UCHL5: variants seen among roughly 807,000 people sequenced by gnomAD.
UCHL5 encodes the protein ubiquitin carboxyl-terminal hydrolase isozyme L5.
In UCHL5, 34 loss-of-function variants were observed where a neutral mutation model predicts 53.8. The ratio of observed to expected loss-of-function variants is 0.63; its 90% confidence interval spans 0.48 to 0.84. The LOEUF (loss-of-function observed/expected upper bound fraction) is 0.84, where lower values mean the gene tolerates loss of function less well. UCHL5 is among the 40% of genes least tolerant of loss of function. UCHL5 has a pLI of 0.00. For synonymous variants in UCHL5, 111 were observed against 126.3 expected (o/e 0.88, Z 0.81); for missense variants, 290 against 385.6 (o/e 0.75, Z 2.08).
intron 3 of UCHL5, among the ~76,000 whole-genome samples, chr1:193,033,101 A>G (rs1662075252): frequency 6.6e-6 from 1 of 152,210 alleles, no homozygotes; most frequent in South Asian, 2.1e-4. Context: ...AGTATTGTTC[A>G]CAATAGCAAA....
At position 193,015,921 on chromosome 1, in the gene UCHL5, T is replaced by C. The variant is rs1210162361; in HGVS notation, c.*430A>G. 1 of 157,384 alleles carries C rather than the reference T, an allele frequency of 6.4e-6. No individual in the cohort carries two copies. The highest frequency in any genetic ancestry group is 1.4e-5 in the Non-Finnish European group (1 of 71,630). 9.7% of individuals were successfully genotyped at this position (157,384 alleles called of 1,614,324 possible). On this transcript the variant is annotated 3_prime_UTR_variant, in exon 11 of 11. Coordinates refer to ENST00000367454, the MANE Select transcript of UCHL5 (RefSeq NM_001199261.3). ...TTCAGTTTTAAAATCCTCAAAACAC[T>C]TAGATATCAAAGATAGAAATACTGA...
rs1196086200 is a variant in UCHL5 at position 193,014,027 on chromosome 1, A to C, written c.*2324T>G. ...GAAGGCTTAAAATAGAATGGAAGCG[A>C]CTTCACCTACCCAATAATTAAATAA... On this transcript the variant is annotated 3_prime_UTR_variant, in exon 11 of 11. Coordinates refer to ENST00000367454, the MANE Select transcript of UCHL5 (RefSeq NM_001199261.3). The C allele has an allele frequency of 6.6e-6, 1 of 152,214 alleles. No individual in the cohort carries two copies. The highest frequency in any genetic ancestry group is 1.9e-4 in the East Asian group (1 of 5,208). The allele number at this position is 152,214 out of a possible 1,614,324, so 9.4% of individuals were successfully genotyped here. A position where few individuals can be genotyped will look rare whatever the true frequency, so the allele number is the denominator to read the frequency against.
rs1370262705 is a variant in UCHL5 at position 193,012,331 on chromosome 1, T to C, written c.*4020A>G. 1 of 152,222 alleles carries C rather than the reference T, an allele frequency of 6.6e-6. No individual in the cohort carries two copies. The highest frequency in any genetic ancestry group is 1.5e-5 in the Non-Finnish European group (1 of 68,042). The allele number at this position is 152,222 out of a possible 1,614,324, so 9.4% of individuals were successfully genotyped here. A position where few individuals can be genotyped will look rare whatever the true frequency, so the allele number is the denominator to read the frequency against. On this transcript the variant is annotated 3_prime_UTR_variant, in exon 11 of 11. Transcript: ENST00000367454. ...AATCAAAGAAGCATATTACATAAAA[T>C]ATATGGATAAGCTAAAAAGTAAATA... is the stretch of plus-strand genomic sequence containing the variant.
chr1:193,027,981 AAAG>A (rs778697464), intron 7 of UCHL5, 101 bp downstream of exon 7: 73 of 1,552,154 alleles, frequency 4.7e-5, no homozygotes, highest in Non-Finnish European at 6.1e-5. Flanking sequence ...AAGAAAAAAA[AAAG>A]TAGATGTTCA....
At chr1:193,036,399 A>C (rs1020020176) in intron 3 of UCHL5, among the ~76,000 whole-genome samples, 1 of 151,844 alleles carries the variant, frequency 6.6e-6, no homozygotes, top group Non-Finnish European at 1.5e-5. Context: ...AAGACTATAA[A>C]AACAGACAGA....
chr1:193,022,561 G>A (rs911194897), intron 9 of UCHL5, among the ~76,000 whole-genome samples: 1 of 151,416 alleles, frequency 6.6e-6, no homozygotes, highest in Non-Finnish European at 1.5e-5. Context: ...AGCTACTTGA[G>A]AGGCTGAGGC....
intron 3 of UCHL5, among the ~76,000 whole-genome samples, chr1:193,048,221 G>A (rs974762166): frequency 2.7e-4 from 41 of 152,256 alleles, no homozygotes; most frequent in African/African-American, 9.6e-4. Context: ...TTAAAAATGA[G>A]TTAAATCAGT....
In UCHL5 at chr1:193,012,856, GAATA is replaced by G. The variant is rs1654362139; in HGVS notation, c.*3491_*3494del. ...CATAAGATTGGCTGAATAAATCACT[GAATA>G]GTTTTCAAAAAGTTAATGTAATCAA... On this transcript the variant is annotated 3_prime_UTR_variant, in exon 11 of 11. Coordinates refer to ENST00000367454, the MANE Select transcript of UCHL5 (RefSeq NM_001199261.3). 6.6e-6 allele frequency: 1 copy of G among 152,096 alleles called. No individual in the cohort carries two copies. The highest frequency in any genetic ancestry group is 2.4e-5 in the African/African-American group (1 of 41,410). The allele number at this position is 152,096 out of a possible 1,614,324, so 9.4% of individuals were successfully genotyped here.
At chr1:193,018,942 A>C (rs535124699) in intron 10 of UCHL5, 4 of 646,620 alleles carry the variant, frequency 6.2e-6, no homozygotes, top group African/African-American at 5.7e-5. Flanking sequence ...ATTTTATATA[A>C]TTATAAAATC....
chr1:193,014,393 T>C lies in UCHL5; in HGVS notation c.*1958A>G, dbSNP rs1185580125. 1 of 152,152 alleles carries C rather than the reference T, an allele frequency of 6.6e-6. No individual in the cohort carries two copies. The highest frequency in any genetic ancestry group is 1.5e-5 in the Non-Finnish European group (1 of 68,016). 9.4% of individuals were successfully genotyped at this position (152,152 alleles called of 1,614,324 possible). On this transcript the variant is annotated 3_prime_UTR_variant, in exon 11 of 11. Transcript: ENST00000367454. Reference sequence around the variant, plus strand: ...ATCCTTATACCTATTAATATAGTCATTTTACAAGGATATTTTTCAAATGTC... The same window carrying C: ...ATCCTTATACCTATTAATATAGTCACTTTACAAGGATATTTTTCAAATGTC...
chr1:193,059,416 C>T (rs773534587), upstream of UCHL5: 20 of 1,610,558 alleles, frequency 1.2e-5, no homozygotes, highest in East Asian at 4.0e-4. This position sits in a 1 kb window ranked among gnomAD's most constrained non-coding sequence, Gnocchi z 4.9. Context: ...CCGTCACCTG[C>T]AGCGCGACTG....
rs775120907 is a variant in UCHL5, at chr1:193,059,311, C to G, written c.-51G>C. On this transcript the variant is annotated 5_prime_UTR_variant, in exon 1 of 11. Coordinates refer to ENST00000367454, the MANE Select transcript of UCHL5 (RefSeq NM_001199261.3). The surrounding 1 kb of genome is among the most constrained non-coding windows in gnomAD (Gnocchi z 4.9). Reference sequence around the variant, plus strand: ...CCACCTCTCGCTCTCAGCTGCCCCCCGCACCAGCTGCCGCCGGCCACAGAT... The same window carrying G: ...CCACCTCTCGCTCTCAGCTGCCCCCGGCACCAGCTGCCGCCGGCCACAGAT... 24 of 1,609,138 alleles carry G rather than the reference C, an allele frequency of 1.5e-5. No individual in the cohort carries two copies. Among genetic ancestry groups the G allele is most frequent in the Non-Finnish European group, 2.0e-5 (23 of 1,177,944 alleles).
chr1:193,026,047 C>T (rs1308960359), intron 7 of UCHL5, among the ~76,000 whole-genome samples: 1 of 150,232 alleles, frequency 6.7e-6, no homozygotes, highest in Non-Finnish European at 1.5e-5. Flanking sequence ...GGAAGGATAG[C>T]CTTTTGAACC....
chr1:193,044,692 T>C (rs1666816665), intron 3 of UCHL5, among the ~76,000 whole-genome samples: 1 of 152,250 alleles, frequency 6.6e-6, no homozygotes, highest in East Asian at 1.9e-4. Context: ...TTTCATTAAA[T>C]TTTTTCAAAT....
At chr1:193,058,098 G>A (rs753697097) in intron 1 of UCHL5, among the ~76,000 whole-genome samples, 2 of 151,966 alleles carry the variant, frequency 1.3e-5, no homozygotes, top group Non-Finnish European at 1.5e-5. Flanking sequence ...ATGGTGGCGC[G>A]TGCCTGTAAT....
intron 3 of UCHL5, 26 bp from the exon 4 acceptor site, chr1:193,029,683 C>A: frequency 1.3e-6 from 2 of 1,542,766 alleles, no homozygotes; most frequent in South Asian, 1.2e-5. Context: ...GTGAAGATAT[C>A]AATGTGTTTA....
intron 3 of UCHL5, among the ~76,000 whole-genome samples, chr1:193,042,352 C>A (rs1665878005): frequency 2.0e-5 from 3 of 152,130 alleles, no homozygotes; most frequent in Admixed American, 2.0e-4. Flanking sequence ...AGTTCTTAGG[C>A]ACTTACTTTG....
intron 6 of UCHL5, 31 bp from the exon 7 acceptor site, chr1:193,028,179 A>G: frequency 2.0e-6 from 3 of 1,523,742 alleles, no homozygotes; most frequent in Non-Finnish European, 1.8e-6. Flanking sequence ...AGTTAACACA[A>G]ATAAAAATAA....
intron 3 of UCHL5, among the ~76,000 whole-genome samples, chr1:193,034,917 A>G (rs954780254): frequency 4.6e-5 from 7 of 152,006 alleles, no homozygotes; most frequent in African/African-American, 1.7e-4. Context: ...CACACTAATT[A>G]ATAACAGAAC....
Sources: allele counts gnomAD v4.1 joint callset (sites outside exome capture counted in the v4.1 genomes callset), GRCh38; gene constraint gnomAD v4.1.1; non-coding constraint Gnocchi (gnomAD v3.1); transcripts MANE v1.5; gene names NCBI Gene and HGNC (gene_info 2026-07-23, HGNC 2026-07-21).